The following WDR7 variants were observed in gnomAD, a reference collection of about 807,000 sequenced individuals.
The protein encoded by WDR7 is WD repeat domain 7.
WDR7 carries 46 observed loss-of-function variants against 169.4 expected under a neutral mutation model. That is an observed-to-expected ratio of 0.27 (90% CI 0.21 to 0.35). The LOEUF (loss-of-function observed/expected upper bound fraction) is 0.35, where lower values mean the gene tolerates loss of function less well. Among genes scored for constraint, WDR7 ranks in the 10% least tolerant of loss-of-function variants. The pLI is 1.00. For missense variants in WDR7, 1,534 were observed against 1,859.3 expected (o/e 0.83, Z 3.22); for synonymous variants, 612 against 666.8 (o/e 0.92, Z 1.27).
intron 26 of WDR7, among the ~76,000 whole-genome samples, chr18:57,002,791 G>T (rs2048002719): frequency 1.3e-5 from 2 of 152,138 alleles, no homozygotes; most frequent in Admixed American, 1.3e-4. Flanking sequence ...AAGCAAAATT[G>T]TAATGAGGGA....
At chr18:56,978,583 C>T (rs1465909835) in intron 26 of WDR7, among the ~76,000 whole-genome samples, 1 of 152,198 alleles carries the variant, frequency 6.6e-6, no homozygotes, top group African/African-American at 2.4e-5. Context: ...AATTGTAATA[C>T]AAACCCAGTA....
chr18:56,715,302 G>A (rs1182169328), intron 12 of WDR7, among the ~76,000 whole-genome samples: 1 of 152,090 alleles, frequency 6.6e-6, no homozygotes, highest in Non-Finnish European at 1.5e-5. Context: ...TCTCCAGTAG[G>A]GCAGAATTTT....
chr18:56,692,360 A>C (rs2025590632), intron 9 of WDR7, among the ~76,000 whole-genome samples: 1 of 152,054 alleles, frequency 6.6e-6, no homozygotes, highest in Non-Finnish European at 1.5e-5. Context: ...GTTGAAGTAC[A>C]ACAGCACTTA....
At chr18:56,960,946 A>G (rs1019491738) in intron 25 of WDR7, among the ~76,000 whole-genome samples, 1 of 152,058 alleles carries the variant, frequency 6.6e-6, no homozygotes, top group African/African-American at 2.4e-5. Context: ...ACCCAGCAGG[A>G]CACACTAAAG....
intron 19 of WDR7, among the ~76,000 whole-genome samples, chr18:56,792,781 C>G (rs2044513854): frequency 6.6e-6 from 1 of 151,902 alleles, no homozygotes; most frequent in Non-Finnish European, 1.5e-5. Flanking sequence ...CACACACACA[C>G]ACACACACAC....
intron 20 of WDR7, among the ~76,000 whole-genome samples, chr18:56,874,525 A>C (rs1377301618): frequency 6.6e-6 from 1 of 152,074 alleles, no homozygotes; most frequent in Non-Finnish European, 1.5e-5. Flanking sequence ...ATAATTCACA[A>C]AATATGATTT....
At chr18:56,661,811 C>G (rs2024909698) in intron 1 of WDR7, among the ~76,000 whole-genome samples, 1 of 152,098 alleles carries the variant, frequency 6.6e-6, no homozygotes. Flanking sequence ...GTATAATAAA[C>G]AGAGTCTTTA....
At chr18:56,899,284 C>G (rs1398483165) in intron 21 of WDR7, among the ~76,000 whole-genome samples, 3 of 151,920 alleles carry the variant, frequency 2.0e-5, no homozygotes, top group African/African-American at 7.2e-5. Flanking sequence ...TTTTCACATT[C>G]AACTTTATCC....
chr18:56,670,337 C>T (rs1395350660), intron 1 of WDR7, among the ~76,000 whole-genome samples: 1 of 151,822 alleles, frequency 6.6e-6, no homozygotes, highest in African/African-American at 2.4e-5. Flanking sequence ...CATTTAGTAC[C>T]CTATACTCCG....
Position 56,673,420 on chromosome 18 carries a change from T to C in WDR7, c.159+746T>C, listed in dbSNP as rs114460482. Among the ~76,000 whole-genome samples, 1,231 of 152,282 alleles carry C rather than the reference T, an allele frequency of 8.1e-3. 29 individuals are homozygous for C. Among genetic ancestry groups the C allele is most frequent in the African/African-American group, 0.028 (1,157 of 41,560 alleles). ...AGATATAATTCACATACTACATAAT[T>C]AATCTGTTTCAAATGCACGTTTTGA... On this transcript the variant is annotated intron_variant, in intron 2 of 27. Coordinates refer to ENST00000254442, the MANE Select transcript of WDR7 (RefSeq NM_015285.3).
At chr18:56,841,591 C>A (rs945029864) in intron 20 of WDR7, among the ~76,000 whole-genome samples, 1 of 151,024 alleles carries the variant, frequency 6.6e-6, no homozygotes, top group Non-Finnish European at 1.5e-5. Flanking sequence ...TTGTCATGTA[C>A]GTAATGTAGA....
At chr18:56,709,372 T>C (rs1473746647) in intron 12 of WDR7, among the ~76,000 whole-genome samples, 1 of 152,164 alleles carries the variant, frequency 6.6e-6, no homozygotes, top group Non-Finnish European at 1.5e-5. Context: ...ACTTAACCCC[T>C]TCAGAAAATA....
Position 56,930,927 on chromosome 18 carries a change from T to C in WDR7, c.3714-4861T>C, listed in dbSNP as rs370603630. Among the ~76,000 whole-genome samples, 90 of 152,334 alleles carry C rather than the reference T, an allele frequency of 5.9e-4. 3 individuals are homozygous for C. The South Asian group carries it at 0.011, about 19-fold the overall frequency. Reference sequence around the variant, plus strand: ...GACATTTAACCAAAGTGTTCTTACATGTAACTTTTGAAATGCTTTCACCAC... The same window carrying C: ...GACATTTAACCAAAGTGTTCTTACACGTAACTTTTGAAATGCTTTCACCAC... On this transcript the variant is annotated intron_variant, in intron 22 of 27. Coordinates refer to ENST00000254442, the MANE Select transcript of WDR7 (RefSeq NM_015285.3).
At chr18:56,747,622 C>T (rs1308845801) in intron 14 of WDR7, among the ~76,000 whole-genome samples, 3 of 152,042 alleles carry the variant, frequency 2.0e-5, no homozygotes, top group Non-Finnish European at 4.4e-5. Context: ...AGAGAGAACC[C>T]CAAGAGCCAA....
chr18:56,724,209 ATTTTTT>A (rs58382196), intron 13 of WDR7, among the ~76,000 whole-genome samples: 40 of 98,010 alleles, frequency 4.1e-4, no homozygotes, highest in Non-Finnish European at 6.3e-4. Context: ...ATGCCTGGTA[ATTTTTT>A]TTTTTTTTTT....
At position 56,938,643 on chromosome 18, in the gene WDR7, T is replaced by G. The variant is rs776756626; in HGVS notation, c.3942T>G (p.Ile1314Met). The G allele has an allele frequency of 6.8e-6, 11 of 1,613,612 alleles. No individual in the cohort carries two copies. Among genetic ancestry groups the G allele is most frequent in the Non-Finnish European group, 9.3e-6 (11 of 1,179,874 alleles). Reference protein sequence around the residue: ...GEILRVIEILIEKMPTDVVDL... With the variant: ...GEILRVIEILMEKMPTDVVDL... Reference sequence around the variant, plus strand: ...TTTTGAGAGTCATTGAAATTCTTATTGAAAAGATGCCCACAGATGTTGTGG... The same window carrying G: ...TTTTGAGAGTCATTGAAATTCTTATGGAAAAGATGCCCACAGATGTTGTGG... The change falls in exon 24 of 28, where the codon ATT becomes ATG. Residue 1314 changes from isoleucine to methionine, a missense_variant. Coordinates refer to ENST00000254442, the MANE Select transcript of WDR7 (RefSeq NM_015285.3).
chr18:56,690,145 A>G (rs966188548), intron 7 of WDR7, among the ~76,000 whole-genome samples: 1 of 152,214 alleles, frequency 6.6e-6, no homozygotes, highest in Non-Finnish European at 1.5e-5. Context: ...GAATTATAAG[A>G]GCAGAGTTTT....
At chr18:56,988,448 T>G (rs1333724772) in intron 26 of WDR7, among the ~76,000 whole-genome samples, 2 of 152,230 alleles carry the variant, frequency 1.3e-5, no homozygotes, top group Non-Finnish European at 2.9e-5. Context: ...GGTCTCAGAT[T>G]TATAAGCCAA....
At chr18:56,743,654 G>A (rs1263725069) in intron 14 of WDR7, among the ~76,000 whole-genome samples, 1 of 152,186 alleles carries the variant, frequency 6.6e-6, no homozygotes, top group Non-Finnish European at 1.5e-5. Flanking sequence ...GGAGTGAAAG[G>A]AAAGTGTGGA....
Sources: gnomAD v4.1 joint callset for allele counts (sites outside exome capture counted in the v4.1 genomes callset) on GRCh38, gnomAD v4.1.1 for gene constraint, MANE v1.5 for transcripts, NCBI Gene and HGNC (gene_info 2026-07-23, HGNC 2026-07-21) for gene names.